RBBP7: variants seen among roughly 807,000 people sequenced by gnomAD.
RBBP7 encodes histone-binding protein RBBP7.
Under a neutral mutation model 35.2 loss-of-function variants are expected in RBBP7, and 5 were observed. That is an observed-to-expected ratio of 0.14 (90% CI 0.07 to 0.30). The LOEUF (loss-of-function observed/expected upper bound fraction) is 0.30. RBBP7 is among the 10% of genes least tolerant of loss of function. The pLI is 1.00. For synonymous variants in RBBP7, 140 were observed against 118.7 expected (o/e 1.18, Z -1.17); for missense variants, 155 against 327.5 (o/e 0.47, Z 4.07).
At chrX:16,847,452 CAG>C (rs926676851) in intron 10 of RBBP7, 1 of 109,216 alleles carries the variant, frequency 9.2e-6, no homozygotes, top group African/African-American at 3.3e-5. Flanking sequence ...GCCTGGGCGA[CAG>C]AGAGAGTACT....
At chrX:16,862,189 G>A (rs1462996894) in intron 3 of RBBP7, among the ~76,000 whole-genome samples, 5 of 111,891 alleles carry the variant, frequency 4.5e-5, no homozygotes, top group African/African-American at 1.6e-4. Flanking sequence ...TGAACTTGCC[G>A]ATGTACATCT....
intron 3 of RBBP7, among the ~76,000 whole-genome samples, chrX:16,860,102 A>C (rs1203358768): frequency 9.1e-6 from 1 of 109,320 alleles, no homozygotes; most frequent in East Asian, 2.9e-4. Context: ...TCGGCATGCT[A>C]AGACCCCTCC....
intron 2 of RBBP7, among the ~76,000 whole-genome samples, chrX:16,863,993 C>T (rs1286726428): frequency 3.6e-5 from 4 of 110,260 alleles, no homozygotes; most frequent in Non-Finnish European, 5.7e-5. Context: ...GGCCATTTAT[C>T]TGTTTCTAAA....
In RBBP7 at chrX:16,857,707, G is replaced by C. The variant is rs1162552957; in HGVS notation, c.484C>G (p.Pro162Ala). Residue 162 changes from proline to alanine, a missense_variant and splice_region_variant, in exon 5 of 12, where the codon CCA becomes GCA. Pro to Ala is a conservative substitution (Grantham distance 27, BLOSUM62 -1). Transcript: ENST00000380087. ...AGATCAGGATTACATTCTCCACTTG[G>C]GTCTAAGAAAAGATGAAAAACATTA... ...DYTKHPAKPD[P>A]SGECNPDLRL... The C allele has an allele frequency of 8.4e-7, 1 of 1,186,425 alleles. No homozygotes were observed. Among genetic ancestry groups the C allele is most frequent in the African/African-American group, 1.8e-5 (1 of 54,934 alleles).
intron 2 of RBBP7, 75 bp from the exon 3 acceptor site, chrX:16,863,175 C>A: frequency 1.0e-6 from 1 of 980,077 alleles, no homozygotes; most frequent in African/African-American, 1.9e-5. Flanking sequence ...GTCTAGTTCC[C>A]TCAAAATACA....
chrX:16,852,439 C>A, intron 8 of RBBP7, 112 bp downstream of exon 8: 2 of 823,403 alleles, frequency 2.4e-6, no homozygotes, highest in Non-Finnish European at 3.7e-6. Flanking sequence ...CCATGTAACA[C>A]CACGTACAAG....
At chrX:16,866,134 G>T (rs1014470710) in intron 2 of RBBP7, among the ~76,000 whole-genome samples, 1 of 111,602 alleles carries the variant, frequency 9.0e-6, no homozygotes, top group Admixed American at 9.5e-5. Flanking sequence ...AAATTACAAA[G>T]CTTTTTAGGT....
intron 3 of RBBP7, among the ~76,000 whole-genome samples, chrX:16,859,661 T>C (rs1397310533): frequency 9.0e-6 from 1 of 111,674 alleles, no homozygotes; most frequent in Non-Finnish European, 1.9e-5. Context: ...GATAGGAGGG[T>C]TCACATTACA....
intron 9 of RBBP7, 120 bp from the exon 10 acceptor site, chrX:16,849,421 T>A: frequency 1.7e-6 from 1 of 603,805 alleles, no homozygotes; most frequent in Non-Finnish European, 2.6e-6. Context: ...AAAAACAACT[T>A]ATTTCTATAC....
At chrX:16,858,353 T>C (rs905539547) in intron 4 of RBBP7, among the ~76,000 whole-genome samples, 2 of 111,939 alleles carry the variant, frequency 1.8e-5, no homozygotes, top group Non-Finnish European at 3.8e-5. Flanking sequence ...TATGGTTTGC[T>C]GCTAGAGACA....
At chrX:16,845,193 T>C in intron 11 of RBBP7, 90 bp from the exon 12 acceptor site, 3 of 623,267 alleles carry the variant, frequency 4.8e-6, no homozygotes, top group Non-Finnish European at 7.5e-6. Flanking sequence ...TAGAACTTAA[T>C]AGTTTCATTT....
chrX:16,849,390 TTAAAACA>T lies in RBBP7; in HGVS notation c.1041-96_1041-90del, dbSNP rs770614406. On this transcript the variant is annotated intron_variant, in intron 9 of 11. Coordinates refer to ENST00000380087, the MANE Select transcript of RBBP7 (RefSeq NM_002893.4). ...ACCAGTATCAGCCCAGAAAGTAATC[TTAAAACA>T]TAAACACACTCACAAAAACAACTTA... The T allele has an allele frequency of 1.8e-5, 15 of 840,087 alleles. No individual in the cohort carries two copies. In the African/African-American group the frequency reaches 2.9e-4, roughly 16 times the overall value. 69.2% of individuals were successfully genotyped at this position (840,087 alleles called of 1,213,427 possible). A position where few individuals can be genotyped will look rare whatever the true frequency, so the allele number is the denominator to read the frequency against.
intron 3 of RBBP7, among the ~76,000 whole-genome samples, chrX:16,861,846 T>G (rs1930483060): frequency 8.9e-6 from 1 of 111,891 alleles, no homozygotes; most frequent in Admixed American, 9.5e-5. Context: ...GTTCTTTCTG[T>G]CACTGATGAA....
In RBBP7 at chrX:16,870,308, C is replaced by T; in HGVS notation, c.-255G>A. The T allele has an allele frequency of 8.2e-6, 2 of 244,092 alleles. No homozygotes were observed. Among genetic ancestry groups the T allele is most frequent in the Non-Finnish European group, 1.3e-5 (2 of 158,557 alleles). 20.1% of individuals were successfully genotyped at this position (244,092 alleles called of 1,213,427 possible). A position where few individuals can be genotyped will look rare whatever the true frequency, so the allele number is the denominator to read the frequency against. ...ACTTGGAACGAGACTTTTCAACCCGCGCCTCCCAGCCCGCCCAGGCAGCTG... is the reference window on the plus strand; with the variant it reads ...ACTTGGAACGAGACTTTTCAACCCGTGCCTCCCAGCCCGCCCAGGCAGCTG... On this transcript the variant is annotated 5_prime_UTR_variant, in exon 1 of 12. Transcript: ENST00000380087.
chrX:16,863,955 G>C (rs1411652764), intron 2 of RBBP7, among the ~76,000 whole-genome samples: 2 of 110,683 alleles, frequency 1.8e-5, no homozygotes, highest in Non-Finnish European at 3.8e-5. Context: ...GAGAAGTAGG[G>C]GTCTAGGCCC....
rs1433797908 is a variant in RBBP7, at chrX:16,852,551, C to T, written c.963G>A (p.Gln321=). ...TFESHKDEIF[Q]VHWSPHNETI... is the part of the protein sequence containing the mutation. ...CAGACACCAGAAAACTGTCACATAC[C>T]TGGAAAATTTCATCTTTATGAGATT... is the stretch of plus-strand genomic sequence containing the variant. The change falls in exon 8 of 12, where the codon CAG becomes CAA. Residue 321 remains glutamine, a splice_region_variant and synonymous_variant. Coordinates refer to ENST00000380087, the MANE Select transcript of RBBP7 (RefSeq NM_002893.4). 8.3e-7 allele frequency: 1 copy of T among 1,210,542 alleles called. No individual in the cohort carries two copies. The highest frequency in any genetic ancestry group is 3.0e-5 in the East Asian group (1 of 33,854).
chrX:16,858,596 T>C (rs905778482), intron 4 of RBBP7, 80 bp downstream of exon 4: 1 of 1,140,486 alleles, frequency 8.8e-7, no homozygotes, highest in African/African-American at 1.8e-5. Context: ...TTATAAAGTA[T>C]GCTACTTTGA....
intron 1 of RBBP7, chrX:16,869,821 C>G: frequency 1.1e-6 from 1 of 901,709 alleles, no homozygotes; most frequent in African/African-American, 2.1e-5. Flanking sequence ...GAGGGGGGCC[C>G]AGCCCTCGGC....
At chrX:16,846,135 T>C (rs1446112299) in intron 10 of RBBP7, 197 bp from the exon 11 acceptor site, 6 of 581,081 alleles carry the variant, frequency 1.0e-5, no homozygotes, top group Admixed American at 9.1e-5. Flanking sequence ...TGACAGAATA[T>C]AGTACAATGG....
Sources: allele counts gnomAD v4.1 joint callset (sites outside exome capture counted in the v4.1 genomes callset), GRCh38; gene constraint gnomAD v4.1.1; transcripts MANE v1.5; gene names NCBI Gene and HGNC (gene_info 2026-07-23, HGNC 2026-07-21).